Variants in SRRM4 observed in about 807,000 individuals in gnomAD.
The protein encoded by SRRM4 is serine/arginine repetitive matrix 4.
Under a neutral mutation model 68.9 loss-of-function variants are expected in SRRM4, and 33 were observed. That is an observed-to-expected ratio of 0.48 (90% CI 0.36 to 0.64). The LOEUF (loss-of-function observed/expected upper bound fraction) is 0.64, where lower values mean the gene tolerates loss of function less well. Among genes scored for constraint, SRRM4 ranks in the 30% least tolerant of loss-of-function variants. The pLI, the probability that SRRM4 is intolerant of heterozygous loss-of-function variation, is 0.00. For missense variants in SRRM4, 817 were observed against 827.1 expected (o/e 0.99, Z 0.15); for synonymous variants, 318 against 318.8 (o/e 1.00, Z 0.03).
At chr12:119,150,948 G>A (rs1178642223) in intron 9 of SRRM4, 69 bp from the exon 10 acceptor site, 20 of 1,443,200 alleles carry the variant, frequency 1.4e-5, no homozygotes, top group Non-Finnish European at 1.9e-5. Flanking sequence ...CCAAGGTAGG[G>A]AGGTATTCAA....
chr12:119,147,477 G>T (rs935841804), intron 9 of SRRM4, among the ~76,000 whole-genome samples: 3 of 152,204 alleles, frequency 2.0e-5, no homozygotes, highest in Non-Finnish European at 4.4e-5. Context: ...TGATAATGAT[G>T]TGTCAATGGA....
In SRRM4 at chr12:119,159,092, G is replaced by A. The variant is rs757889973; in HGVS notation, c.*2294G>A. ...TGTTTTTTATGGATGGGATTTGAGA[G>A]GCCAAAGGTGAGTGGGCTATTGGCC... is the stretch of plus-strand genomic sequence containing the variant. On this transcript the variant is annotated 3_prime_UTR_variant, in exon 13 of 13. Coordinates refer to ENST00000267260, the MANE Select transcript of SRRM4 (RefSeq NM_194286.4). 4 of 151,092 alleles carry A rather than the reference G, an allele frequency of 2.6e-5. No individual in the cohort carries two copies. Among genetic ancestry groups the A allele is most frequent in the Non-Finnish European group, 4.4e-5 (3 of 67,906 alleles). The allele number at this position is 151,092 out of a possible 1,614,324, so 9.4% of individuals were successfully genotyped here.
intron 1 of SRRM4, among the ~76,000 whole-genome samples, chr12:119,088,354 C>T (rs1286636691): frequency 6.6e-6 from 1 of 152,148 alleles, no homozygotes; most frequent in African/African-American, 2.4e-5. Context: ...GTCATGCACC[C>T]CCCTCAACGG....
Position 119,154,457 on chromosome 12 carries a change from G to C in SRRM4, c.1532+74G>C. ...CCATTCTTACTCATTCGAGCCTCAG[G>C]CTCTCCCTAGGCCTCCTTGGGGCTG... On this transcript the variant is annotated intron_variant, in intron 12 of 12. Transcript: ENST00000267260. The surrounding 1 kb of genome is among the most constrained non-coding windows in gnomAD (Gnocchi z 4.7). 6.5e-7 allele frequency: 1 copy of C among 1,547,718 alleles called. No homozygotes were observed.
At chr12:119,096,042 A>G (rs981172398) in intron 1 of SRRM4, among the ~76,000 whole-genome samples, 2 of 143,686 alleles carry the variant, frequency 1.4e-5, no homozygotes, top group Non-Finnish European at 3.0e-5. Flanking sequence ...TTATTTTTTT[A>G]TGGAGTCTTG....
chr12:119,043,434 T>C (rs1458795215), intron 1 of SRRM4, among the ~76,000 whole-genome samples: 2 of 152,108 alleles, frequency 1.3e-5, no homozygotes, highest in Non-Finnish European at 2.9e-5. Context: ...AGCTAATGCA[T>C]GTGGGGCTTA....
At chr12:119,012,978 C>T (rs544984199) in intron 1 of SRRM4, among the ~76,000 whole-genome samples, 1 of 152,286 alleles carries the variant, frequency 6.6e-6, no homozygotes, top group African/African-American at 2.4e-5. Flanking sequence ...ATGCTATTTA[C>T]TCTCAGCATG....
chr12:119,072,445 A>G (rs536694390), intron 1 of SRRM4, among the ~76,000 whole-genome samples: 1 of 152,282 alleles, frequency 6.6e-6, no homozygotes, highest in Admixed American at 6.5e-5. Flanking sequence ...GAAGAAAGGG[A>G]GCAGGGAGGG....
At position 119,160,287 on chromosome 12, in the gene SRRM4, CTG is replaced by C. The variant is rs1386535070; in HGVS notation, c.*3491_*3492del. ...TCTGTCTCTCTCTCTGTCTCTCTCT[CTG>C]TCTCTCTCTCTCTCTCTCTCTCTCT... is the stretch of plus-strand genomic sequence containing the variant. On this transcript the variant is annotated 3_prime_UTR_variant, in exon 13 of 13. Coordinates refer to ENST00000267260, the MANE Select transcript of SRRM4 (RefSeq NM_194286.4). 3.8e-4 allele frequency: 48 copies of C among 126,544 alleles called. No homozygotes were observed. Among genetic ancestry groups the C allele is most frequent in the African/African-American group, 1.2e-3 (35 of 29,204 alleles). The allele number at this position is 126,544 out of a possible 1,614,324, so 7.8% of individuals were successfully genotyped here. A position where few individuals can be genotyped will look rare whatever the true frequency, so the allele number is the denominator to read the frequency against.
At chr12:119,032,651 A>C (rs1451626856) in intron 1 of SRRM4, among the ~76,000 whole-genome samples, 1 of 152,222 alleles carries the variant, frequency 6.6e-6, no homozygotes, top group African/African-American at 2.4e-5. Context: ...GGGTTATGCT[A>C]ATCTCAAATA....
chr12:119,070,853 G>T (rs1393681419), intron 1 of SRRM4, among the ~76,000 whole-genome samples: 1 of 152,126 alleles, frequency 6.6e-6, no homozygotes, highest in Non-Finnish European at 1.5e-5. Flanking sequence ...AGACTTCATG[G>T]TGAGGGTCCT....
chr12:119,016,846 G>T (rs746416816), intron 1 of SRRM4, among the ~76,000 whole-genome samples: 1 of 152,228 alleles, frequency 6.6e-6, no homozygotes, highest in Non-Finnish European at 1.5e-5. Context: ...AAGGCACGCT[G>T]ACTCTGAACC....
chr12:118,990,872 T>G (rs1298076286), intron 1 of SRRM4, among the ~76,000 whole-genome samples: 2 of 152,142 alleles, frequency 1.3e-5, no homozygotes, highest in Non-Finnish European at 2.9e-5. Context: ...CAGGCTGGAG[T>G]GCAGTGGTGC....
chr12:119,049,994 A>G (rs1194555300), intron 1 of SRRM4, among the ~76,000 whole-genome samples: 2 of 152,230 alleles, frequency 1.3e-5, no homozygotes, highest in African/African-American at 2.4e-5. Context: ...GGACTTCAAT[A>G]TATGAATTTT....
At chr12:118,999,362 C>T (rs1187037421) in intron 1 of SRRM4, among the ~76,000 whole-genome samples, 1 of 152,216 alleles carries the variant, frequency 6.6e-6, no homozygotes, top group African/African-American at 2.4e-5. Flanking sequence ...GCCAGGGGCA[C>T]CTGAATGTCA....
chr12:119,097,929 T>C (rs530405350), intron 1 of SRRM4, among the ~76,000 whole-genome samples: 57 of 152,382 alleles, frequency 3.7e-4, no homozygotes, highest in Middle Eastern at 3.4e-3. Context: ...TCTCAGCTTT[T>C]GCCTATCATG....
chr12:119,073,321 T>TTTG (rs1555217114), intron 1 of SRRM4, among the ~76,000 whole-genome samples: 3 of 148,914 alleles, frequency 2.0e-5, no homozygotes, highest in African/African-American at 4.9e-5. Context: ...TCTTTTTTTT[T>TTTG]TTTGTTTGTT....
Position 119,149,629 on chromosome 12 carries a change from C to T in SRRM4, c.1077-1388C>T, listed in dbSNP as rs186566589. ...AGAAAGGGTGAGGTCAAGCTAAAGC[C>T]AGAATCATAAGTAGGAGTTGCCAGA... On this transcript the variant is annotated intron_variant, in intron 9 of 12. Coordinates refer to ENST00000267260, the MANE Select transcript of SRRM4 (RefSeq NM_194286.4). 9.9e-5 allele frequency among the ~76,000 whole-genome samples: 15 copies of T among 152,168 alleles called. No individual in the cohort carries two copies. The East Asian group carries it at 2.9e-3, about 29-fold the overall frequency.
At chr12:118,995,459 G>C (rs1953343157) in intron 1 of SRRM4, among the ~76,000 whole-genome samples, 1 of 152,184 alleles carries the variant, frequency 6.6e-6, no homozygotes, top group African/African-American at 2.4e-5. Context: ...CCAATATGTG[G>C]CTCCATTCTG....
Sources: allele counts gnomAD v4.1 joint callset (sites outside exome capture counted in the v4.1 genomes callset), GRCh38; gene constraint gnomAD v4.1.1; non-coding constraint Gnocchi (gnomAD v3.1); transcripts MANE v1.5; gene names NCBI Gene and HGNC (gene_info 2026-07-23, HGNC 2026-07-21).